The following PPP1R14C variants were observed in gnomAD, a reference collection of about 807,000 sequenced individuals.
PPP1R14C encodes the protein protein phosphatase 1 regulatory subunit 14C.
PPP1R14C carries 16 observed loss-of-function variants against 20.4 expected under a neutral mutation model. That is an observed-to-expected ratio of 0.78 (90% CI 0.53 to 1.19). The LOEUF (loss-of-function observed/expected upper bound fraction) is 1.19, where lower values mean the gene tolerates loss of function less well. Ranked by LOEUF, PPP1R14C falls within the 50% of genes most tolerant of loss-of-function variation. PPP1R14C has a pLI of 0.00. For synonymous variants in PPP1R14C, 91 were observed against 91.0 expected (o/e 1.00, Z 0.00); for missense variants, 211 against 220.1 (o/e 0.96, Z 0.26).
rs546780564 is a variant in PPP1R14C, at chr6:150,179,417, A to T, written c.307-35327A>T. Among the ~76,000 whole-genome samples the T allele has an allele frequency of 8.2e-5, 11 of 134,496 alleles. No homozygotes were observed. The East Asian group carries it at 2.4e-3, about 30-fold the overall frequency. The allele number at this position is 134,496 out of a possible 152,430, so 88.2% of individuals were successfully genotyped here. A position where few individuals can be genotyped will look rare whatever the true frequency, so the allele number is the denominator to read the frequency against. On this transcript the variant is annotated intron_variant, in intron 1 of 3. Transcript: ENST00000361131. Reference sequence around the variant, plus strand: ...AAGAAAGAGAGAAAGAGAGAGAGAGAGAAAGAAAGGAGGGAGGGAGGGAGG... The same window carrying T: ...AAGAAAGAGAGAAAGAGAGAGAGAGTGAAAGAAAGGAGGGAGGGAGGGAGG...
Position 150,172,679 on chromosome 6 carries a change from G to C in PPP1R14C, c.306+29181G>C, listed in dbSNP as rs141772544. 3.9e-4 allele frequency among the ~76,000 whole-genome samples: 59 copies of C among 152,298 alleles called. 1 individual carries two copies. The East Asian group carries it at 0.011, about 29-fold the overall frequency. ...CCTGAAAATGAAGTTCTTTGGAAGT[G>C]CCATCTGACACTTCTCCTGGTGGGC... On this transcript the variant is annotated intron_variant, in intron 1 of 3. Transcript: ENST00000361131.
chr6:150,168,406 G>A (rs1295180349), intron 1 of PPP1R14C, among the ~76,000 whole-genome samples: 13 of 151,796 alleles, frequency 8.6e-5, no homozygotes, highest in African/African-American at 1.4e-4. Context: ...AGTGGCGGGC[G>A]CCTGTAGTCC....
chr6:150,199,225 A>C (rs557893487), intron 1 of PPP1R14C, among the ~76,000 whole-genome samples: 1 of 152,260 alleles, frequency 6.6e-6, no homozygotes, highest in South Asian at 2.1e-4. Flanking sequence ...TATTTTATGA[A>C]TGTGAATCAT....
chr6:150,247,690 A>AGTTTG, intron 3 of PPP1R14C, among the ~76,000 whole-genome samples: 1 of 152,136 alleles, frequency 6.6e-6, no homozygotes, highest in Non-Finnish European at 1.5e-5. Flanking sequence ...TTTTATCTAT[A>AGTTTG]GTTTGCTGTC....
intron 1 of PPP1R14C, among the ~76,000 whole-genome samples, chr6:150,156,430 T>C (rs1777307067): frequency 6.6e-6 from 1 of 152,234 alleles, no homozygotes; most frequent in Admixed American, 6.5e-5. Context: ...GCCAATCATC[T>C]GTTAATATTT....
At chr6:150,165,213 A>G (rs1352768219) in intron 1 of PPP1R14C, among the ~76,000 whole-genome samples, 1 of 152,350 alleles carries the variant, frequency 6.6e-6, no homozygotes, top group South Asian at 2.1e-4. Flanking sequence ...CTTGCTCACT[A>G]TACTCCATCT....
intron 1 of PPP1R14C, among the ~76,000 whole-genome samples, chr6:150,211,756 A>G (rs1398774459): frequency 1.3e-5 from 2 of 152,056 alleles, no homozygotes; most frequent in Non-Finnish European, 2.9e-5. Context: ...TGTTCTTCTC[A>G]CCTGGGTTTT....
chr6:150,175,620 C>T (rs529288929), intron 1 of PPP1R14C, among the ~76,000 whole-genome samples: 40 of 152,322 alleles, frequency 2.6e-4, no homozygotes, highest in African/African-American at 9.1e-4. Flanking sequence ...GTTACTTTGA[C>T]ATCTCCCTGG....
At chr6:150,235,503 C>G (rs1489851638) in intron 3 of PPP1R14C, among the ~76,000 whole-genome samples, 1 of 152,174 alleles carries the variant, frequency 6.6e-6, no homozygotes, top group Non-Finnish European at 1.5e-5. Context: ...TTAACTTATT[C>G]CTCAATGAAG....
intron 1 of PPP1R14C, among the ~76,000 whole-genome samples, chr6:150,158,083 A>G (rs1777324864): frequency 1.3e-5 from 2 of 152,186 alleles, no homozygotes; most frequent in South Asian, 4.1e-4. Flanking sequence ...CAGTCATCAT[A>G]CTTGGCTAAC....
At chr6:150,144,464 ACCT>A (rs1170968590) in intron 1 of PPP1R14C, among the ~76,000 whole-genome samples, 3 of 152,196 alleles carry the variant, frequency 2.0e-5, no homozygotes, top group African/African-American at 7.2e-5. Flanking sequence ...AAATGAAGTG[ACCT>A]CCTCTTAAGG....
rs1449774617 is a variant in PPP1R14C, at chr6:150,249,839, T to C, written c.*1019T>C. On this transcript the variant is annotated 3_prime_UTR_variant, in exon 4 of 4. Transcript: ENST00000361131. ...GTGGGAGTAAACCGAGTGTTAAGTGTCAAGGTGAGAAAGCCTCACATTCTC... is the reference window on the plus strand; with the variant it reads ...GTGGGAGTAAACCGAGTGTTAAGTGCCAAGGTGAGAAAGCCTCACATTCTC... 6 of 295,968 alleles carry C rather than the reference T, an allele frequency of 2.0e-5. No homozygotes were observed. Among genetic ancestry groups the C allele is most frequent in the East Asian group, 5.5e-5 (1 of 18,340 alleles). 18.3% of individuals were successfully genotyped at this position (295,968 alleles called of 1,614,324 possible). A position where few individuals can be genotyped will look rare whatever the true frequency, so the allele number is the denominator to read the frequency against.
chr6:150,183,874 T>C (rs1244850122), intron 1 of PPP1R14C, among the ~76,000 whole-genome samples: 1 of 152,246 alleles, frequency 6.6e-6, no homozygotes, highest in Non-Finnish European at 1.5e-5. Context: ...GAATCTCATG[T>C]TGATGTATAT....
intron 1 of PPP1R14C, among the ~76,000 whole-genome samples, chr6:150,212,356 G>T (rs1351033869): frequency 6.6e-6 from 1 of 152,184 alleles, no homozygotes; most frequent in Non-Finnish European, 1.5e-5. Context: ...CTCAGGGGTT[G>T]GGGAAAATGG....
At chr6:150,209,679 T>A (rs1461849528) in intron 1 of PPP1R14C, among the ~76,000 whole-genome samples, 1 of 140,982 alleles carries the variant, frequency 7.1e-6, no homozygotes, top group Non-Finnish European at 1.6e-5. Context: ...GAGTGTATGT[T>A]TGTGTATGTA....
At chr6:150,146,645 C>T (rs1216004716) in intron 1 of PPP1R14C, among the ~76,000 whole-genome samples, 1 of 152,184 alleles carries the variant, frequency 6.6e-6, no homozygotes, top group Non-Finnish European at 1.5e-5. Flanking sequence ...ACCTGCCACT[C>T]CTTGACCATG....
chr6:150,194,485 A>G (rs991530414), intron 1 of PPP1R14C: 2 of 979,092 alleles, frequency 2.0e-6, no homozygotes, highest in Middle Eastern at 5.2e-4. Context: ...GAACCAAATA[A>G]TGTTCTACTA....
Position 150,170,669 on chromosome 6 carries a change from C to A in PPP1R14C, c.306+27171C>A, listed in dbSNP as rs1490700582. Among the ~76,000 whole-genome samples the A allele has an allele frequency of 4.0e-5, 6 of 151,466 alleles. 1 individual carries two copies. The highest frequency in any genetic ancestry group is 8.8e-5 in the Non-Finnish European group (6 of 67,960). ...GTGATATCGAAGTAGACCAAAGAGA[C>A]AAAAATCACTTCCCTTCCTTGTGGG... On this transcript the variant is annotated intron_variant, in intron 1 of 3. Coordinates refer to ENST00000361131, the MANE Select transcript of PPP1R14C (RefSeq NM_030949.3).
At chr6:150,200,197 C>A (rs1430885034) in intron 1 of PPP1R14C, among the ~76,000 whole-genome samples, 1 of 148,876 alleles carries the variant, frequency 6.7e-6, no homozygotes, top group Non-Finnish European at 1.5e-5. Context: ...CACACACATA[C>A]ACACACATGT....
Sources: allele counts gnomAD v4.1 joint callset (sites outside exome capture counted in the v4.1 genomes callset), GRCh38; gene constraint gnomAD v4.1.1; transcripts MANE v1.5; gene names NCBI Gene and HGNC (gene_info 2026-07-23, HGNC 2026-07-21).